The following MTG2 variants were observed in gnomAD, a reference collection of about 807,000 sequenced individuals.
MTG2 encodes the protein mitochondrial ribosome associated GTPase 2.
Under a neutral mutation model 28.6 loss-of-function variants are expected in MTG2, and 23 were observed. The ratio of observed to expected loss-of-function variants is 0.80; its 90% CI spans 0.58 to 1.14. MTG2 has a LOEUF of 1.14. Among genes scored for constraint, MTG2 ranks in the 50% most tolerant of loss-of-function variants. The probability of loss-of-function intolerance (pLI) is 0.00; values close to 1 mark genes in which losing one functional copy is unlikely to be tolerated. For missense variants in MTG2, 539 were observed against 552.0 expected (o/e 0.98, Z 0.24); for synonymous variants, 260 against 251.8 (o/e 1.03, Z -0.31).
Position 62,184,154 on chromosome 20 carries a change from A to T in MTG2, c.-6+1097A>T, listed in dbSNP as rs142942019. Among the ~76,000 whole-genome samples the T allele has an allele frequency of 2.1e-3, 324 of 152,242 alleles. 1 individual carries two copies. The highest frequency in any genetic ancestry group is 3.5e-3 in the Non-Finnish European group (238 of 68,016). The stretch of plus-strand genomic sequence containing the variant: ...CGGGCAGATCACGAGGTCAGGAGTT[A>T]AAGACCAGCCTGGCCAACATGGTGA... On this transcript the variant is annotated intron_variant, in intron 1 of 6. Transcript: ENST00000370823.
chr20:62,185,581 G>T (rs1400832379), intron 1 of MTG2, among the ~76,000 whole-genome samples: 1 of 152,106 alleles, frequency 6.6e-6, no homozygotes, highest in Non-Finnish European at 1.5e-5. Flanking sequence ...AGGTTGCAGT[G>T]AGGTGAGATC....
At chr20:62,196,174 T>G (rs2058054988) in intron 3 of MTG2, among the ~76,000 whole-genome samples, 1 of 151,576 alleles carries the variant, frequency 6.6e-6, no homozygotes, top group South Asian at 2.1e-4. Flanking sequence ...TTTGTTTTTT[T>G]TTTTTTGCCT....
intron 1 of MTG2, 22 bp from the exon 2 acceptor site, chr20:62,193,394 T>C: frequency 6.2e-7 from 1 of 1,611,640 alleles, no homozygotes; most frequent in Middle Eastern, 1.7e-4. Flanking sequence ...AGTATCTCAT[T>C]TTGCCAATTT....
At chr20:62,188,508 A>AT (rs1192106476) in intron 1 of MTG2, among the ~76,000 whole-genome samples, 13,329 of 89,424 alleles carry the variant, frequency 0.15, 1,006 homozygotes, top group South Asian at 0.25. Context: ...TAATCAGCTA[A>AT]TTTTTTTTTT....
chr20:62,189,664 CTTTT>C (rs34528319), intron 1 of MTG2, among the ~76,000 whole-genome samples: 1 of 113,646 alleles, frequency 8.8e-6, no homozygotes, highest in African/African-American at 3.2e-5. Flanking sequence ...TAAACATTAA[CTTTT>C]TTTTTTTTTT....
Position 62,195,854 on chromosome 20 carries a change from G to A in MTG2, c.257G>A (p.Gly86Asp). ...RRVLVCGGNG[G>D]AGASCFHSEP... The stretch of plus-strand genomic sequence containing the variant: ...GTGCTTGTCTGTGGAGGAAACGGAG[G>A]CGCTGGGGCAAGCTGCTTCCACAGT... Residue 86 changes from glycine to aspartate, a missense_variant, in exon 3 of 7, where the codon GGC becomes GAC. By Grantham distance (94) the Gly-to-Asp change is moderately conservative. Transcript: ENST00000370823. The A allele has an allele frequency of 6.2e-7, 1 of 1,614,208 alleles. No homozygotes were observed. The highest frequency in any genetic ancestry group is 8.5e-7 in the Non-Finnish European group (1 of 1,180,040).
At chr20:62,190,787 G>T (rs1397987206) in intron 1 of MTG2, among the ~76,000 whole-genome samples, 3 of 152,226 alleles carry the variant, frequency 2.0e-5, no homozygotes, top group African/African-American at 7.2e-5. Flanking sequence ...GGGCACTGGG[G>T]AGGAAGTCCG....
Position 62,202,026 on chromosome 20 carries a change from T to G in MTG2, c.*949T>G, listed in dbSNP as rs2145873984. Reference sequence around the variant, plus strand: ...GAACCCTTGTGCTACGCCAGGCAGTTACCGAGCCGAAGGGAGATGATGGGC... The same window carrying G: ...GAACCCTTGTGCTACGCCAGGCAGTGACCGAGCCGAAGGGAGATGATGGGC... On this transcript the variant is annotated 3_prime_UTR_variant, in exon 7 of 7. Transcript: ENST00000370823. 6.6e-6 allele frequency: 1 copy of G among 152,344 alleles called. No individual in the cohort carries two copies. Among genetic ancestry groups the G allele is most frequent in the African/African-American group, 2.4e-5 (1 of 41,572 alleles). 9.4% of individuals were successfully genotyped at this position (152,344 alleles called of 1,614,324 possible).
chr20:62,184,168 C>G (rs531574504), intron 1 of MTG2, among the ~76,000 whole-genome samples: 1 of 152,200 alleles, frequency 6.6e-6, no homozygotes, highest in Non-Finnish European at 1.5e-5. Context: ...ACCAGCCTGG[C>G]CAACATGGTG....
At chr20:62,200,659 C>T (rs749177507) in intron 6 of MTG2, 24 bp from the exon 7 acceptor site, 25 of 1,571,188 alleles carry the variant, frequency 1.6e-5, no homozygotes, top group South Asian at 5.8e-5. Flanking sequence ...GTGGTCACCT[C>T]GTGTGCCCCT....
rs190181303 is a variant in MTG2, at chr20:62,190,163, C to T, written c.-5-3253C>T. Among the ~76,000 whole-genome samples, 20 of 152,224 alleles carry T rather than the reference C, an allele frequency of 1.3e-4. No homozygotes were observed. The East Asian group carries it at 3.9e-3, about 29-fold the overall frequency. On this transcript the variant is annotated intron_variant, in intron 1 of 6. Transcript: ENST00000370823. ...TGTCTTAGTCATTGCTCTGGAGGTT[C>T]CAGTCTGCACACCTGTTAGCCTTCA...
intron 4 of MTG2, chr20:62,198,243 C>CG: frequency 1.9e-6 from 1 of 519,272 alleles, no homozygotes; most frequent in Non-Finnish European, 3.5e-6. Flanking sequence ...ACGGCACGGA[C>CG]GCTTCCTCCG....
rs572424775 is a variant in MTG2 at position 62,201,020 on chromosome 20, G to A, written c.1164G>A (p.Leu388=). The part of the protein sequence containing the change: ...LEQLLLHLKV[L]YDAYAEAELG... ...AGCTGCTGTTGCACCTGAAGGTGCT[G>A]TATGACGCCTACGCGGAGGCCGAGC... The change falls in exon 7 of 7, where the codon CTG becomes CTA. Residue 388 remains leucine (L), a synonymous_variant. Transcript: ENST00000370823. 1.2e-6 allele frequency: 2 copies of A among 1,612,504 alleles called. No individual in the cohort carries two copies. Among genetic ancestry groups the A allele is most frequent in the African/African-American group, 1.3e-5 (1 of 75,070 alleles).
In MTG2 at chr20:62,188,674, C is replaced by CTCTAGAT. The variant is rs2057897335; in HGVS notation, c.-5-4740_-5-4734dup. The stretch of plus-strand genomic sequence containing the variant: ...GGCCTTTCTGTATACTTCAAGTAAT[C>CTCTAGAT]TCTAGATTATTTATAGTACAATACA... On this transcript the variant is annotated intron_variant, in intron 1 of 6. Coordinates refer to ENST00000370823, the MANE Select transcript of MTG2 (RefSeq NM_015666.4). 2.0e-5 allele frequency: 3 copies of CTCTAGAT among 151,992 alleles called. No homozygotes were observed. The South Asian group carries it at 6.3e-4, about 32-fold the overall frequency. 9.4% of individuals were successfully genotyped at this position (151,992 alleles called of 1,614,324 possible).
chr20:62,190,366 C>T (rs6062130), intron 1 of MTG2, among the ~76,000 whole-genome samples: 26,996 of 152,160 alleles, frequency 0.18, 2,650 homozygotes, highest in South Asian at 0.26. Flanking sequence ...TTTAAGAACT[C>T]CTAAGAGGAA....
Position 62,201,028 on chromosome 20 carries a change from C to T in MTG2, c.1172C>T (p.Ala391Val). The T allele has an allele frequency of 6.2e-7, 1 of 1,610,764 alleles. No homozygotes were observed. Among genetic ancestry groups the T allele is most frequent in the Non-Finnish European group, 8.5e-7 (1 of 1,179,402 alleles). Residue 391 changes from alanine to valine, a missense_variant, in exon 7 of 7, where the codon GCC becomes GTC. By Grantham distance (64) the Ala-to-Val change is moderately conservative (BLOSUM62 0). Coordinates refer to ENST00000370823, the MANE Select transcript of MTG2 (RefSeq NM_015666.4). ...LLLHLKVLYD[A>V]YAEAELGQGR... ...TTGCACCTGAAGGTGCTGTATGACGCCTACGCGGAGGCCGAGCTGGGCCAG... is the reference window on the plus strand; with the variant it reads ...TTGCACCTGAAGGTGCTGTATGACGTCTACGCGGAGGCCGAGCTGGGCCAG...
At chr20:62,196,813 A>G (rs6089687) in intron 3 of MTG2, among the ~76,000 whole-genome samples, 88,169 of 150,416 alleles carry the variant, frequency 0.59, 26,201 homozygotes, top group East Asian at 0.88. Context: ...TGGATCGCTT[A>G]AGGTCAGGAG....
At chr20:62,190,403 T>C (rs1377499796) in intron 1 of MTG2, among the ~76,000 whole-genome samples, 1 of 152,242 alleles carries the variant, frequency 6.6e-6, no homozygotes, top group Non-Finnish European at 1.5e-5. Flanking sequence ...ATTTACCAAT[T>C]CTGTTGCTCT....
intron 3 of MTG2, among the ~76,000 whole-genome samples, chr20:62,196,473 G>A (rs897409528): frequency 2.0e-5 from 3 of 151,442 alleles, no homozygotes; most frequent in Admixed American, 2.0e-4. Flanking sequence ...CGGAGTTCGA[G>A]ACCAGCCTGG....
Sources: allele counts gnomAD v4.1 joint callset (sites outside exome capture counted in the v4.1 genomes callset), GRCh38; gene constraint gnomAD v4.1.1; transcripts MANE v1.5; gene names NCBI Gene and HGNC (gene_info 2026-07-23, HGNC 2026-07-21).